The following ZFHX3 variants were observed in gnomAD, a reference collection of about 807,000 sequenced individuals.
The protein encoded by ZFHX3 is zinc finger homeobox 3.
A neutral mutation model predicts 279.1 loss-of-function variants in ZFHX3; 42 were observed. That is an observed-to-expected ratio of 0.15 (90% CI 0.12 to 0.19). The LOEUF (loss-of-function observed/expected upper bound fraction) is 0.19, where lower values mean the gene tolerates loss of function less well. Among genes scored for constraint, ZFHX3 ranks in the 10% least tolerant of loss-of-function variants. The probability of loss-of-function intolerance (pLI) is 1.00; values close to 1 mark genes in which losing one functional copy is unlikely to be tolerated. For missense variants in ZFHX3, 4,981 were observed against 4,754.0 expected (o/e 1.05, Z -1.40); for synonymous variants, 2,293 against 1,957.8 (o/e 1.17, Z -4.52).
chr16:73,855,656 G>A lies in ZFHX3; in HGVS notation c.-1608+35995C>T, dbSNP rs183837945. On this transcript the variant is annotated intron_variant, in intron 1 of 17. Coordinates refer to the ZFHX3 transcript ENST00000641206. ...AAAAACACAGATTTAGTCATCTCTG[G>A]AAAACATAACAAGCTCAGAAAGCAT... 3.4e-4 allele frequency among the ~76,000 whole-genome samples: 52 copies of A among 152,252 alleles called. No individual in the cohort carries two copies. The East Asian group carries it at 9.6e-3, about 28-fold the overall frequency.
chr16:73,465,033 G>T (rs1034694194), intron 2 of ZFHX3, among the ~76,000 whole-genome samples: 1 of 152,160 alleles, frequency 6.6e-6, no homozygotes, highest in African/African-American at 2.4e-5. Context: ...AGGCTGGCAC[G>T]ATCATTAGAT....
chr16:73,455,273 C>T (rs2018352080), intron 3 of ZFHX3, among the ~76,000 whole-genome samples: 1 of 152,164 alleles, frequency 6.6e-6, no homozygotes. Context: ...AGGAACTTTA[C>T]ATTTGCATTC....
At chr16:72,922,169 C>A (rs1353349806) in intron 3 of ZFHX3, among the ~76,000 whole-genome samples, 1 of 152,150 alleles carries the variant, frequency 6.6e-6, no homozygotes, top group Non-Finnish European at 1.5e-5. Context: ...TGGGTTCTTG[C>A]GGAGAACTTT....
chr16:73,889,354 A>G (rs1247116131), intron 1 of ZFHX3, among the ~76,000 whole-genome samples: 1 of 152,196 alleles, frequency 6.6e-6, no homozygotes, highest in Non-Finnish European at 1.5e-5. Context: ...ATGCTTTTCT[A>G]TTAATAGTAT....
chr16:73,129,708 A>ATGTG lies in ZFHX3; in HGVS notation c.-897+1256_-897+1259dup, dbSNP rs772853183. Among the ~76,000 whole-genome samples, 40 of 126,954 alleles carry ATGTG rather than the reference A, an allele frequency of 3.2e-4. 1 individual carries two copies. The highest frequency in any genetic ancestry group is 8.7e-4 in the African/African-American group (29 of 33,446). The allele number at this position is 126,954 out of a possible 152,430, so 83.3% of individuals were successfully genotyped here. A position where few individuals can be genotyped will look rare whatever the true frequency, so the allele number is the denominator to read the frequency against. ...TGTGCGCGCATGTGCATGTGTGTGC[A>ATGTG]TGTGTATGTGTGTGTGTGTGTGTGT... On this transcript the variant is annotated intron_variant, in intron 7 of 17. Transcript: ENST00000641206.
At chr16:73,096,408 T>C (rs1315708330) in intron 7 of ZFHX3, among the ~76,000 whole-genome samples, 1 of 149,884 alleles carries the variant, frequency 6.7e-6, no homozygotes, top group African/African-American at 2.5e-5. Context: ...CGAACTTCTT[T>C]ATTTTTTTTT....
intron 4 of ZFHX3, among the ~76,000 whole-genome samples, chr16:72,887,574 G>A (rs1049267279): frequency 7.9e-5 from 12 of 151,712 alleles, no homozygotes; most frequent in Admixed American, 1.3e-4. Context: ...AGGAGTGTGC[G>A]GGGCAGTGCC....
At chr16:73,494,363 A>G (rs2019101813) in intron 2 of ZFHX3, among the ~76,000 whole-genome samples, 1 of 152,154 alleles carries the variant, frequency 6.6e-6, no homozygotes, top group African/African-American at 2.4e-5. Context: ...GAGTGGAAAC[A>G]AAAGTCGGCA....
intron 3 of ZFHX3, among the ~76,000 whole-genome samples, chr16:73,423,113 C>G (rs1216378573): frequency 1.3e-5 from 2 of 152,112 alleles, no homozygotes; most frequent in African/African-American, 4.8e-5. Context: ...ACTCCATCCC[C>G]AAATCCAGTC....
chr16:72,930,686 T>C (rs950441800), intron 3 of ZFHX3, among the ~76,000 whole-genome samples: 1 of 152,186 alleles, frequency 6.6e-6, no homozygotes, highest in Non-Finnish European at 1.5e-5. Flanking sequence ...AGATCAGAAC[T>C]GATACATTTA....
intron 5 of ZFHX3, among the ~76,000 whole-genome samples, chr16:73,248,716 C>G (rs74844289): frequency 0.013 from 1,904 of 151,892 alleles, 18 homozygotes; most frequent in Non-Finnish European, 0.021. Flanking sequence ...GGATGTCTCC[C>G]CTATGTGCTG....
chr16:73,675,507 C>G (rs905823407), intron 2 of ZFHX3, among the ~76,000 whole-genome samples: 5 of 151,938 alleles, frequency 3.3e-5, no homozygotes, highest in Admixed American at 3.3e-4. Flanking sequence ...TATCTATATA[C>G]CCCAGTAAAG....
At chr16:73,197,976 C>T (rs1053678320) in intron 5 of ZFHX3, among the ~76,000 whole-genome samples, 3 of 110,442 alleles carry the variant, frequency 2.7e-5, no homozygotes, top group African/African-American at 3.5e-5. Flanking sequence ...ATTGCTCTGT[C>T]GCCAAGGCTG....
At chr16:73,239,495 C>A (rs2013053522) in intron 5 of ZFHX3, among the ~76,000 whole-genome samples, 1 of 152,174 alleles carries the variant, frequency 6.6e-6, no homozygotes, top group Non-Finnish European at 1.5e-5. Context: ...CTTCTCTCTG[C>A]CATTTCTAAG....
rs767130234 is a variant in ZFHX3 at position 72,958,772 on chromosome 16, T to C, written c.1374A>G (p.Pro458=). ...CTTCCTCCTCCGCCTCCTCTTCGGC[T>C]GGCTCTACCTTCTCAGAGAAGCAAT... The part of the protein sequence containing the change: ...DGDCFSEKVE[P]AEEEAEEEEE... The change falls in exon 2 of 10, where the codon CCA becomes CCG. Residue 458 remains proline, a synonymous_variant. Transcript: ENST00000268489. 6.2e-7 allele frequency: 1 copy of C among 1,614,102 alleles called. No individual in the cohort carries two copies. Among genetic ancestry groups the C allele is most frequent in the Admixed American group, 1.7e-5 (1 of 60,016 alleles).
chr16:72,815,311 G>A (rs1410019717), intron 5 of ZFHX3, among the ~76,000 whole-genome samples: 5 of 152,040 alleles, frequency 3.3e-5, no homozygotes, highest in Admixed American at 2.6e-4. Flanking sequence ...AGGAGGCTGA[G>A]GTGGGAGTAT....
At chr16:73,864,476 C>T (rs928569467) in intron 1 of ZFHX3, among the ~76,000 whole-genome samples, 12 of 152,088 alleles carry the variant, frequency 7.9e-5, no homozygotes, top group Admixed American at 1.3e-4. Flanking sequence ...CCCAGCACTT[C>T]GGGAGGCTGA....
chr16:73,730,352 CAAAAA>C (rs66477968), intron 1 of ZFHX3, among the ~76,000 whole-genome samples: 382 of 81,150 alleles, frequency 4.7e-3, no homozygotes, highest in African/African-American at 0.016. Context: ...CCTCCCCTCG[CAAAAA>C]AAAAAAAAAA....
intron 1 of ZFHX3, among the ~76,000 whole-genome samples, chr16:73,811,174 TG>T (rs1224527406): frequency 6.6e-6 from 1 of 152,212 alleles, no homozygotes; most frequent in Non-Finnish European, 1.5e-5. Flanking sequence ...TTAATATTTT[TG>T]TATCTCTGTT....
Sources: gnomAD v4.1 joint callset for allele counts (sites outside exome capture counted in the v4.1 genomes callset) on GRCh38, gnomAD v4.1.1 for gene constraint, MANE v1.5 for transcripts, NCBI Gene and HGNC (gene_info 2026-07-23, HGNC 2026-07-21) for gene names.